CNTN5: variants seen among roughly 807,000 people sequenced by gnomAD.
The protein encoded by CNTN5 is contactin-5.
CNTN5 carries 77 observed loss-of-function variants against 129.1 expected under a neutral mutation model. That is an observed-to-expected ratio of 0.60 (90% CI 0.50 to 0.72). The LOEUF is 0.72. Among genes scored for constraint, CNTN5 ranks in the 30% least tolerant of loss-of-function variants. CNTN5 has a pLI of 0.00. For synonymous variants in CNTN5, 509 were observed against 465.6 expected (o/e 1.09, Z -1.20); for missense variants, 1,478 against 1,328.8 (o/e 1.11, Z -1.75).
intron 8 of CNTN5, among the ~76,000 whole-genome samples, chr11:99,991,049 T>C (rs965800144): frequency 1.3e-5 from 2 of 152,180 alleles, no homozygotes; most frequent in Non-Finnish European, 2.9e-5. Flanking sequence ...ATCTCACACA[T>C]AGCACAATAT....
chr11:99,895,988 G>T (rs988814722), intron 6 of CNTN5, among the ~76,000 whole-genome samples: 1 of 152,144 alleles, frequency 6.6e-6, no homozygotes, highest in East Asian at 1.9e-4. Context: ...CACTGGCTTG[G>T]GTCCCCAGCA....
intron 1 of CNTN5, among the ~76,000 whole-genome samples, chr11:99,093,330 C>T (rs1866330637): frequency 6.6e-6 from 1 of 151,982 alleles, no homozygotes; most frequent in African/African-American, 2.4e-5. Context: ...TGTTGCCAGA[C>T]ACTAGGAAGT....
chr11:100,308,231 T>G, intron 20 of CNTN5, 128 bp from the exon 21 acceptor site: 1 of 786,102 alleles, frequency 1.3e-6, no homozygotes, highest in African/African-American at 1.8e-5. Context: ...TTTGTTGTGT[T>G]TTTTATAACT....
chr11:99,847,644 A>G (rs1341836537), intron 6 of CNTN5, among the ~76,000 whole-genome samples: 2 of 152,136 alleles, frequency 1.3e-5, no homozygotes, highest in Non-Finnish European at 2.9e-5. Context: ...GCTTATTCCT[A>G]TGATATTGAA....
rs571674379 is a variant in CNTN5, at chr11:99,639,687, C to T, written c.55+83418C>T. Among the ~76,000 whole-genome samples the T allele has an allele frequency of 3.3e-5, 5 of 151,102 alleles. No individual in the cohort carries two copies. The East Asian group carries it at 9.9e-4, about 30-fold the overall frequency. On this transcript the variant is annotated intron_variant, in intron 3 of 24. Transcript: ENST00000524871. The stretch of plus-strand genomic sequence containing the variant: ...TCAAGCGATTCCCCTGCCTCAGCCT[C>T]CCAAGTAGCTGAGATTACAGGCATG...
intron 1 of CNTN5, among the ~76,000 whole-genome samples, chr11:99,147,636 T>C (rs1051020133): frequency 2.0e-5 from 3 of 152,164 alleles, no homozygotes; most frequent in Non-Finnish European, 4.4e-5. Context: ...GCTGTCCTTT[T>C]CCCTACCAGG....
intron 3 of CNTN5, among the ~76,000 whole-genome samples, chr11:99,665,518 C>A (rs2135930210): frequency 8.7e-6 from 1 of 115,344 alleles, no homozygotes; most frequent in East Asian, 2.7e-4. Flanking sequence ...CAGAGCCTTG[C>A]TCTGTTGCTC....
At chr11:99,776,590 T>C (rs1945133353) in intron 3 of CNTN5, among the ~76,000 whole-genome samples, 1 of 151,480 alleles carries the variant, frequency 6.6e-6, no homozygotes, top group Non-Finnish European at 1.5e-5. Context: ...TTTCTCCGTC[T>C]CTGTGGCCCC....
chr11:99,902,459 T>A (rs1949384780), intron 6 of CNTN5, among the ~76,000 whole-genome samples: 1 of 152,118 alleles, frequency 6.6e-6, no homozygotes, highest in Admixed American at 6.6e-5. Context: ...ATGTGAGTAA[T>A]GCTTATGCCA....
At chr11:99,602,057 TAAC>T (rs1435264931) in intron 3 of CNTN5, among the ~76,000 whole-genome samples, 1 of 152,130 alleles carries the variant, frequency 6.6e-6, no homozygotes, top group Non-Finnish European at 1.5e-5. Flanking sequence ...ACATATATAA[TAAC>T]TGTGTTATAG....
intron 1 of CNTN5, among the ~76,000 whole-genome samples, chr11:99,136,452 C>T (rs1283393580): frequency 1.3e-5 from 2 of 152,068 alleles, no homozygotes; most frequent in African/African-American, 4.8e-5. Flanking sequence ...AGCACCAATT[C>T]CATTAATCAC....
At chr11:99,414,783 G>T (rs1942570241) in intron 2 of CNTN5, among the ~76,000 whole-genome samples, 1 of 152,142 alleles carries the variant, frequency 6.6e-6, no homozygotes, top group African/African-American at 2.4e-5. Flanking sequence ...TATTCTGGAA[G>T]AATGGCAAGA....
chr11:99,165,133 C>T (rs900384070), intron 1 of CNTN5, among the ~76,000 whole-genome samples: 9 of 151,942 alleles, frequency 5.9e-5, no homozygotes, highest in African/African-American at 9.7e-5. Flanking sequence ...TGCAAATGAG[C>T]GTTTATCTAC....
intron 2 of CNTN5, among the ~76,000 whole-genome samples, chr11:99,430,713 T>G (rs188163816): frequency 6.6e-6 from 1 of 151,790 alleles, no homozygotes; most frequent in Admixed American, 6.6e-5. Context: ...ATTTTAACCA[T>G]AGGCCTCCAA....
In CNTN5 at chr11:99,824,351, C is replaced by T. The variant is rs1185066755; in HGVS notation, c.277+4586C>T. Among the ~76,000 whole-genome samples, 3 of 151,856 alleles carry T rather than the reference C, an allele frequency of 2.0e-5. No homozygotes were observed. In the East Asian group the frequency reaches 5.8e-4, roughly 29 times the overall value. ...TTTATTGTGGTTTAGTTTGCATTTTCTTGACTAGTGAGGTTGAAATTTCAT... is the reference window on the plus strand; with the variant it reads ...TTTATTGTGGTTTAGTTTGCATTTTTTTGACTAGTGAGGTTGAAATTTCAT... On this transcript the variant is annotated intron_variant, in intron 4 of 24. Coordinates refer to ENST00000524871, the MANE Select transcript of CNTN5 (RefSeq NM_014361.4).
At chr11:99,462,450 T>G (rs1944750721) in intron 2 of CNTN5, among the ~76,000 whole-genome samples, 1 of 151,288 alleles carries the variant, frequency 6.6e-6, no homozygotes, top group Non-Finnish European at 1.5e-5. Context: ...GTGTCATGAA[T>G]GAGCATTATA....
At chr11:100,305,981 G>A (rs867401961) in intron 20 of CNTN5, among the ~76,000 whole-genome samples, 2 of 150,054 alleles carry the variant, frequency 1.3e-5, no homozygotes, top group East Asian at 2.0e-4. Context: ...AAAAAATCTC[G>A]TAACGCTTTA....
At chr11:99,502,971 G>A (rs1404304890) in intron 2 of CNTN5, among the ~76,000 whole-genome samples, 1 of 151,878 alleles carries the variant, frequency 6.6e-6, no homozygotes, top group Non-Finnish European at 1.5e-5. Flanking sequence ...AATTATCTTG[G>A]GTTACAATTT....
chr11:100,184,504 G>T (rs1652718533), intron 13 of CNTN5, among the ~76,000 whole-genome samples: 1 of 152,174 alleles, frequency 6.6e-6, no homozygotes, highest in Admixed American at 6.6e-5. Flanking sequence ...GAAGCTGAAA[G>T]CAGTATCCAG....
Sources: allele counts gnomAD v4.1 joint callset (sites outside exome capture counted in the v4.1 genomes callset), GRCh38; gene constraint gnomAD v4.1.1; transcripts MANE v1.5; gene names NCBI Gene and HGNC (gene_info 2026-07-23, HGNC 2026-07-21).